IMMP2L: variants seen among roughly 807,000 people sequenced by gnomAD.
The protein encoded by IMMP2L is mitochondrial inner membrane protease subunit 2.
IMMP2L carries 18 observed loss-of-function variants against 19.3 expected under a neutral mutation model. That is an observed-to-expected ratio of 0.93 (90% CI 0.64 to 1.38). The LOEUF is 1.38. Among genes scored for constraint, IMMP2L ranks in the 40% most tolerant of loss-of-function variants. The pLI is 0.00. For synonymous variants in IMMP2L, 76 were observed against 73.0 expected, an observed-to-expected ratio of 1.04 and a Z score of -0.21; for missense variants, 233 against 218.2, an observed-to-expected ratio of 1.07 and a Z score of -0.43.
intron 3 of IMMP2L, among the ~76,000 whole-genome samples, chr7:111,235,594 A>AC (rs1469508699): frequency 6.6e-6 from 1 of 151,954 alleles, no homozygotes; most frequent in Non-Finnish European, 1.5e-5. Context: ...GTTACTCTGT[A>AC]CCTGATACGT....
In IMMP2L at chr7:110,731,162, T is replaced by C. The variant is rs952133669; in HGVS notation, c.409-67441A>G. 3.3e-5 allele frequency among the ~76,000 whole-genome samples: 5 copies of C among 152,084 alleles called. No homozygotes were observed. The South Asian group carries it at 1.0e-3, about 32-fold the overall frequency. On this transcript the variant is annotated intron_variant, in intron 5 of 5. Transcript: ENST00000405709. Reference sequence around the variant, plus strand: ...AGGTCCCTAGTATCTAAAATAAATATTTGCCATGAGAATTAAGGGAAATTA... The same window carrying C: ...AGGTCCCTAGTATCTAAAATAAATACTTGCCATGAGAATTAAGGGAAATTA...
intron 5 of IMMP2L, among the ~76,000 whole-genome samples, chr7:110,734,364 G>T (rs928354687): frequency 2.6e-4 from 39 of 152,202 alleles, no homozygotes; most frequent in African/African-American, 8.2e-4. Context: ...GACCTTGGCT[G>T]AACTGTTTGT....
chr7:111,057,435 T>C (rs910933155), intron 3 of IMMP2L, among the ~76,000 whole-genome samples: 4 of 152,224 alleles, frequency 2.6e-5, no homozygotes, highest in African/African-American at 9.6e-5. Context: ...AAAAACTCTT[T>C]TGTAAATCTT....
intron 3 of IMMP2L, among the ~76,000 whole-genome samples, chr7:110,982,299 C>T (rs977723327): frequency 6.6e-5 from 10 of 152,146 alleles, no homozygotes; most frequent in African/African-American, 2.2e-4. Context: ...TATCCAAGTA[C>T]ACACCTCCAG....
chr7:110,695,941 T>C (rs934583079), intron 5 of IMMP2L, among the ~76,000 whole-genome samples: 1 of 152,246 alleles, frequency 6.6e-6, no homozygotes, highest in African/African-American at 2.4e-5. Flanking sequence ...AACACTCTAA[T>C]ACAGCTGTGA....
chr7:111,537,093 T>C (rs1024920560), intron 1 of IMMP2L, among the ~76,000 whole-genome samples: 1 of 152,190 alleles, frequency 6.6e-6, no homozygotes, highest in African/African-American at 2.4e-5. Context: ...CCAGGCATCA[T>C]ATCAGTTTCT....
chr7:110,836,668 C>G (rs955109651), intron 5 of IMMP2L, among the ~76,000 whole-genome samples: 3 of 152,130 alleles, frequency 2.0e-5, no homozygotes, highest in African/African-American at 7.2e-5. Context: ...CATAAACACA[C>G]ATGGCAAAAT....
In IMMP2L at chr7:111,123,505, G is replaced by A. The variant is rs371479262; in HGVS notation, c.240-159940C>T. ...AAACTTAGAAAGCATCTCTTTTTAC[G>A]ATAACAGGCTTATTAAAGTACCCCA... is the stretch of plus-strand genomic sequence containing the variant. On this transcript the variant is annotated intron_variant, in intron 3 of 5. Coordinates refer to ENST00000405709, the MANE Select transcript of IMMP2L (RefSeq NM_032549.4). The surrounding 1 kb of genome is among the most constrained non-coding windows in gnomAD (Gnocchi z 6.4). 3.0e-5 allele frequency: 49 copies of A among 1,613,728 alleles called. No homozygotes were observed. The highest frequency in any genetic ancestry group is 2.0e-4 in the African/African-American group (15 of 74,974).
At chr7:111,479,568 T>C (rs1842004072) in intron 3 of IMMP2L, among the ~76,000 whole-genome samples, 1 of 152,102 alleles carries the variant, frequency 6.6e-6, no homozygotes, top group African/African-American at 2.4e-5. Flanking sequence ...TACTCTAATA[T>C]CCTAATTAAT....
intron 5 of IMMP2L, among the ~76,000 whole-genome samples, chr7:110,752,003 T>C (rs576929130): frequency 1.3e-5 from 2 of 152,154 alleles, no homozygotes; most frequent in South Asian, 4.1e-4. Context: ...TAAGATTTTC[T>C]AAATCATTAT....
intron 3 of IMMP2L, among the ~76,000 whole-genome samples, chr7:111,465,258 T>C (rs1314267269): frequency 6.6e-6 from 1 of 151,904 alleles, no homozygotes; most frequent in Admixed American, 6.6e-5. Flanking sequence ...ATAATTCTGC[T>C]CTCAGTCAAG....
At chr7:111,163,196 G>A (rs1276562344) in intron 3 of IMMP2L, among the ~76,000 whole-genome samples, 7 of 152,022 alleles carry the variant, frequency 4.6e-5, no homozygotes, top group Admixed American at 1.3e-4. Flanking sequence ...GCCCAACTTC[G>A]AGTGGGCACC....
At chr7:110,976,666 G>GGTT (rs1820729618) in intron 3 of IMMP2L, among the ~76,000 whole-genome samples, 1 of 151,950 alleles carries the variant, frequency 6.6e-6, no homozygotes, top group African/African-American at 2.4e-5. Flanking sequence ...AAGTCTAGAA[G>GGTT]GTTAGGCCCT....
intron 3 of IMMP2L, among the ~76,000 whole-genome samples, chr7:111,364,611 G>A: frequency 6.6e-6 from 1 of 150,954 alleles, no homozygotes. Flanking sequence ...CTCCAGCTTG[G>A]GCTACAGAGT....
At chr7:111,263,942 T>G (rs1817580740) in intron 3 of IMMP2L, among the ~76,000 whole-genome samples, 1 of 152,148 alleles carries the variant, frequency 6.6e-6, no homozygotes, top group African/African-American at 2.4e-5. Context: ...CTGGTGACCT[T>G]AATAAGAGAT....
chr7:111,276,340 T>A (rs775297367), intron 3 of IMMP2L, among the ~76,000 whole-genome samples: 1 of 152,140 alleles, frequency 6.6e-6, no homozygotes, highest in Non-Finnish European at 1.5e-5. Flanking sequence ...GCTGTTGTGT[T>A]CTATTTGCTA....
chr7:111,033,857 G>A (rs1335564182), intron 3 of IMMP2L, among the ~76,000 whole-genome samples: 1 of 151,974 alleles, frequency 6.6e-6, no homozygotes, highest in Non-Finnish European at 1.5e-5. Flanking sequence ...TAACCCAAAG[G>A]CCCATCAACA....
intron 3 of IMMP2L, chr7:111,091,295 C>T (rs1230263120): frequency 6.6e-6 from 1 of 152,162 alleles, no homozygotes; most frequent in South Asian, 2.1e-4. Context: ...AGCCTCCTGC[C>T]TTCCTTTATA....
At chr7:110,811,164 T>A (rs536209148) in intron 5 of IMMP2L, among the ~76,000 whole-genome samples, 37 of 152,184 alleles carry the variant, frequency 2.4e-4, no homozygotes, top group African/African-American at 8.2e-4. Context: ...TAGTTTTTTT[T>A]ATTGGTTTGA....
Sources: allele counts gnomAD v4.1 joint callset (sites outside exome capture counted in the v4.1 genomes callset), GRCh38; gene constraint gnomAD v4.1.1; non-coding constraint Gnocchi (gnomAD v3.1); transcripts MANE v1.5; gene names NCBI Gene and HGNC (gene_info 2026-07-23, HGNC 2026-07-21).